The following ATXN8OS variants were observed in gnomAD, a reference collection of about 807,000 sequenced individuals.
The protein encoded by ATXN8OS is ATXN8 opposite strand (non-protein coding).
chr13:70,154,534 T>G (rs1241850445), intron 4 of ATXN8OS, among the ~76,000 whole-genome samples: 1 of 152,158 alleles, frequency 6.6e-6, no homozygotes, highest in African/African-American at 2.4e-5. Flanking sequence ...GTGTTGGTAC[T>G]GAGGCGGGAA....
intron 4 of ATXN8OS, among the ~76,000 whole-genome samples, chr13:70,152,239 G>A (rs894951794): frequency 2.0e-5 from 3 of 151,892 alleles, no homozygotes; most frequent in Non-Finnish European, 4.4e-5. Flanking sequence ...CGAACTTGAA[G>A]TCTCAGAAAG....
At chr13:70,125,037 T>C (rs1323981464) in intron 2 of ATXN8OS, among the ~76,000 whole-genome samples, 3 of 151,982 alleles carry the variant, frequency 2.0e-5, no homozygotes, top group African/African-American at 7.2e-5. Flanking sequence ...AAACCGCATA[T>C]ATTTTACTCC....
intron 4 of ATXN8OS, among the ~76,000 whole-genome samples, chr13:70,162,948 T>G (rs986650486): frequency 1.3e-4 from 20 of 152,072 alleles, no homozygotes; most frequent in African/African-American, 4.8e-4. Context: ...AGCCCAATAC[T>G]TTGAATCATA....
chr13:70,148,664 G>A (rs1292231910), intron 4 of ATXN8OS, among the ~76,000 whole-genome samples: 2 of 151,718 alleles, frequency 1.3e-5, no homozygotes, highest in African/African-American at 4.8e-5. Flanking sequence ...TTTACCATTT[G>A]AAATTCTATG....
intron 2 of ATXN8OS, among the ~76,000 whole-genome samples, chr13:70,124,342 C>T (rs1424610186): frequency 6.6e-6 from 1 of 151,954 alleles, no homozygotes; most frequent in African/African-American, 2.4e-5. Context: ...TAAATAATGT[C>T]ACGAGGTTGT....
chr13:70,142,546 G>A (rs1286469780), intron 3 of ATXN8OS, among the ~76,000 whole-genome samples: 1 of 152,116 alleles, frequency 6.6e-6, no homozygotes. Flanking sequence ...AGCCTGCAAG[G>A]TGTGCCCTCA....
intron 2 of ATXN8OS, among the ~76,000 whole-genome samples, chr13:70,125,422 C>G (rs955973675): frequency 6.6e-6 from 1 of 152,074 alleles, no homozygotes; most frequent in Non-Finnish European, 1.5e-5. Context: ...ACGAGGTAAA[C>G]GCCATACCAT....
intron 2 of ATXN8OS, among the ~76,000 whole-genome samples, chr13:70,116,580 A>T (rs1366552379): frequency 2.0e-5 from 3 of 152,168 alleles, no homozygotes; most frequent in Non-Finnish European, 4.4e-5. Flanking sequence ...AAGATACCAG[A>T]TCACTTACAG....
chr13:70,147,216 TTC>T (rs1888798204), intron 3 of ATXN8OS, among the ~76,000 whole-genome samples: 4 of 152,178 alleles, frequency 2.6e-5, no homozygotes, highest in Non-Finnish European at 5.9e-5. Context: ...AGAAATATTG[TTC>T]ACTGTTTTAA....
At chr13:70,113,513 T>A (rs369935424) in intron 1 of ATXN8OS, among the ~76,000 whole-genome samples, 1 of 152,124 alleles carries the variant, frequency 6.6e-6, no homozygotes, top group Non-Finnish European at 1.5e-5. Context: ...GCACTGAAAT[T>A]TGCCTGTATC....
chr13:70,160,309 A>G (rs1216897308), intron 4 of ATXN8OS, among the ~76,000 whole-genome samples: 1 of 151,576 alleles, frequency 6.6e-6, no homozygotes, highest in East Asian at 1.9e-4. Flanking sequence ...TATTTTATAA[A>G]TTTTGGTTTA....
At chr13:70,133,292 C>A (rs757972476) in intron 3 of ATXN8OS, among the ~76,000 whole-genome samples, 11 of 152,024 alleles carry the variant, frequency 7.2e-5, no homozygotes, top group Admixed American at 2.6e-4. Context: ...TGATGGTGTG[C>A]GCCTGTAGTC....
chr13:70,131,390 G>T, intron 3 of ATXN8OS: 1 of 398,378 alleles, frequency 2.5e-6, no homozygotes, highest in South Asian at 1.3e-4. Context: ...TTGCATATAT[G>T]ACCGTGACAC....
intron 4 of ATXN8OS, among the ~76,000 whole-genome samples, chr13:70,150,703 G>C (rs866735777): frequency 6.6e-6 from 1 of 152,000 alleles, no homozygotes; most frequent in Non-Finnish European, 1.5e-5. Flanking sequence ...ACTCCTCTAG[G>C]AAGTATTTAG....
At chr13:70,116,131 T>C (rs966115360) in intron 2 of ATXN8OS, among the ~76,000 whole-genome samples, 2 of 147,058 alleles carry the variant, frequency 1.4e-5, no homozygotes, top group Admixed American at 1.4e-4. Flanking sequence ...TGCCAAGCCA[T>C]GTTCATGGTG....
At chr13:70,134,660 T>C (rs569729754) in intron 3 of ATXN8OS, among the ~76,000 whole-genome samples, 4 of 152,172 alleles carry the variant, frequency 2.6e-5, no homozygotes, top group Non-Finnish European at 5.9e-5. Context: ...AGCACTGGAT[T>C]CAACAATGTG....
intron 4 of ATXN8OS, among the ~76,000 whole-genome samples, chr13:70,155,375 A>G (rs1360088124): frequency 6.6e-6 from 1 of 152,144 alleles, no homozygotes; most frequent in African/African-American, 2.4e-5. Flanking sequence ...CCCAATTCTC[A>G]ATTTGGTCCA....
In ATXN8OS at chr13:70,109,415, C is replaced by T. The variant is rs143633527; in HGVS notation, n.240+1396C>T. On this transcript the variant is annotated intron_variant and non_coding_transcript_variant, in intron 1 of 4. Coordinates refer to ENST00000678624, the Ensembl canonical transcript of ATXN8OS. ...TCATGAAATTCACAGTTTCAGTAAC[C>T]CCCAACAGAGCATAGGAATCAACCA... Among the ~76,000 whole-genome samples, 25 of 152,202 alleles carry T rather than the reference C, an allele frequency of 1.6e-4. 1 individual carries two copies. The East Asian group carries it at 3.5e-3, about 21-fold the overall frequency.
chr13:70,149,120 A>G (rs1275473088), intron 4 of ATXN8OS, among the ~76,000 whole-genome samples: 1 of 152,130 alleles, frequency 6.6e-6, no homozygotes, highest in Non-Finnish European at 1.5e-5. Context: ...ATTTTAGAAT[A>G]ATTTAATATT....
Sources: allele counts gnomAD v4.1 joint callset (sites outside exome capture counted in the v4.1 genomes callset), GRCh38; gene constraint gnomAD v4.1.1; transcripts MANE v1.5; gene names NCBI Gene and HGNC (gene_info 2026-07-23, HGNC 2026-07-21).